Variants in ROR1 observed in about 807,000 individuals in gnomAD.
ROR1 encodes ROR family WNT receptor 1, also known as inactive tyrosine-protein kinase transmembrane receptor ROR1.
A neutral mutation model predicts 78.8 loss-of-function variants in ROR1; 19 were observed. The ratio of observed to expected loss-of-function variants is 0.24; its 90% CI spans 0.17 to 0.35. The LOEUF (loss-of-function observed/expected upper bound fraction) is 0.35, where lower values mean the gene tolerates loss of function less well. Among genes scored for constraint, ROR1 ranks in the 10% least tolerant of loss-of-function variants. The pLI is 1.00. For missense variants in ROR1, 917 were observed against 1,177.8 expected (o/e 0.78, Z 3.24); for synonymous variants, 386 against 433.6 (o/e 0.89, Z 1.36).
intron 1 of ROR1, among the ~76,000 whole-genome samples, chr1:63,921,291 C>T (rs528823150): frequency 4.5e-4 from 68 of 152,192 alleles, no homozygotes; most frequent in East Asian, 7.7e-4. Context: ...ATGCAGATTC[C>T]GATTTGAAAG....
Position 63,774,895 on chromosome 1 carries a change from T to C in ROR1, c.91+387T>C, listed in dbSNP as rs905499638. Among the ~76,000 whole-genome samples, 51 of 152,208 alleles carry C rather than the reference T, an allele frequency of 3.4e-4. No individual in the cohort carries two copies. Among genetic ancestry groups the C allele is most frequent in the African/African-American group, 1.1e-3 (45 of 41,544 alleles). ...AGCCGGTGTTCAGGCAAGTCTATCCTGCCCCCAAGTTGCGAGCCGGCCCGG... is the reference window on the plus strand; with the variant it reads ...AGCCGGTGTTCAGGCAAGTCTATCCCGCCCCCAAGTTGCGAGCCGGCCCGG... On this transcript the variant is annotated intron_variant, in intron 1 of 8. Coordinates refer to ENST00000371079, the MANE Select transcript of ROR1 (RefSeq NM_005012.4). This position sits in a 1 kb window ranked among gnomAD's most constrained non-coding sequence, Gnocchi z 5.7.
At chr1:63,937,371 G>A (rs910229643) in intron 1 of ROR1, among the ~76,000 whole-genome samples, 1 of 152,134 alleles carries the variant, frequency 6.6e-6, no homozygotes, top group African/African-American at 2.4e-5. Flanking sequence ...TTCCACTCTA[G>A]GAATGCCCTT....
chr1:64,034,237 A>C (rs1307377356), intron 2 of ROR1, among the ~76,000 whole-genome samples: 1 of 150,656 alleles, frequency 6.6e-6, no homozygotes, highest in Non-Finnish European at 1.5e-5. Context: ...CTTTCCCATC[A>C]GTCCTGGGGG....
intron 1 of ROR1, among the ~76,000 whole-genome samples, chr1:63,775,786 T>C (rs1423017230): frequency 6.6e-6 from 1 of 152,214 alleles, no homozygotes. Flanking sequence ...TAGAGTAGCA[T>C]TTTCTGAGGA....
At chr1:64,020,036 A>T (rs1646552198) in intron 2 of ROR1, among the ~76,000 whole-genome samples, 1 of 152,176 alleles carries the variant, frequency 6.6e-6, no homozygotes, top group Admixed American at 6.5e-5. Context: ...TGATGCAGCC[A>T]CAAGCTCAAG....
chr1:64,051,049 C>T (rs1333803820), intron 4 of ROR1, among the ~76,000 whole-genome samples: 1 of 152,124 alleles, frequency 6.6e-6, no homozygotes, highest in Non-Finnish European at 1.5e-5. Flanking sequence ...GCATAGGAAC[C>T]TTTACTCTCA....
chr1:64,160,887 G>T (rs978683064), intron 8 of ROR1, among the ~76,000 whole-genome samples: 32 of 152,124 alleles, frequency 2.1e-4, no homozygotes, highest in Non-Finnish European at 4.3e-4. Context: ...GTTTGGTGCA[G>T]TAGCCACCAT....
At chr1:63,845,221 A>C (rs1419994158) in intron 1 of ROR1, among the ~76,000 whole-genome samples, 1 of 152,194 alleles carries the variant, frequency 6.6e-6, no homozygotes, top group East Asian at 1.9e-4. Flanking sequence ...CTTTCAAATA[A>C]TTAGAGCACA....
chr1:64,092,825 C>G (rs1053299107), intron 4 of ROR1, among the ~76,000 whole-genome samples: 6 of 152,164 alleles, frequency 3.9e-5, no homozygotes, highest in African/African-American at 1.4e-4. Context: ...CATTTCTTAT[C>G]AAGAGAATAA....
intron 1 of ROR1, among the ~76,000 whole-genome samples, chr1:63,924,160 A>G (rs1323430815): frequency 6.6e-6 from 1 of 151,966 alleles, no homozygotes; most frequent in African/African-American, 2.4e-5. Flanking sequence ...AACTCACCAC[A>G]TTCTCTCCCC....
At chr1:63,979,817 A>C (rs931473524) in intron 1 of ROR1, among the ~76,000 whole-genome samples, 5 of 152,238 alleles carry the variant, frequency 3.3e-5, no homozygotes, top group Non-Finnish European at 1.5e-5. Context: ...CACATGGATG[A>C]ATCTGAAAAC....
chr1:63,905,133 G>A (rs1309180211), intron 1 of ROR1, among the ~76,000 whole-genome samples: 1 of 152,062 alleles, frequency 6.6e-6, no homozygotes, highest in Non-Finnish European at 1.5e-5. Context: ...AGAACATGGA[G>A]GGCAGATTGG....
intron 1 of ROR1, among the ~76,000 whole-genome samples, chr1:64,001,610 C>T (rs780911079): frequency 3.3e-5 from 5 of 152,146 alleles, no homozygotes; most frequent in Admixed American, 1.3e-4. Flanking sequence ...CTTATGGAGA[C>T]GTTTCCCTCA....
At chr1:63,775,901 A>C (rs1455700031) in intron 1 of ROR1, among the ~76,000 whole-genome samples, 2 of 152,244 alleles carry the variant, frequency 1.3e-5, no homozygotes, top group African/African-American at 4.8e-5. Context: ...CAGGGAGTGC[A>C]CCTTCCTGAT....
At chr1:64,061,474 A>G (rs6704308) in intron 4 of ROR1, among the ~76,000 whole-genome samples, 6,613 of 152,276 alleles carry the variant, frequency 0.043, 456 homozygotes, top group African/African-American at 0.15. Flanking sequence ...CAGAGAAATC[A>G]AAGTGTAGTT....
chr1:63,938,546 T>C (rs1286018697), intron 1 of ROR1, among the ~76,000 whole-genome samples: 1 of 152,150 alleles, frequency 6.6e-6, no homozygotes, highest in Admixed American at 6.5e-5. Context: ...CCCCACTGTA[T>C]TCCCAGTGCC....
intron 4 of ROR1, among the ~76,000 whole-genome samples, chr1:64,102,855 C>A (rs1429307017): frequency 6.6e-6 from 1 of 152,158 alleles, no homozygotes. Flanking sequence ...TTAGCAGCAT[C>A]CCTGGCCTCC....
chr1:64,017,454 G>A (rs1646530228), intron 2 of ROR1, among the ~76,000 whole-genome samples: 1 of 152,084 alleles, frequency 6.6e-6, no homozygotes, highest in African/African-American at 2.4e-5. Flanking sequence ...TGAGGGATAT[G>A]GAATTCTATC....
chr1:64,013,373 T>C (rs1410275436), intron 2 of ROR1, among the ~76,000 whole-genome samples: 1 of 152,194 alleles, frequency 6.6e-6, no homozygotes, highest in Non-Finnish European at 1.5e-5. Flanking sequence ...AGATTCTCCA[T>C]GGTCTTACCC....
Sources: gnomAD v4.1 joint callset for allele counts (sites outside exome capture counted in the v4.1 genomes callset) on GRCh38, gnomAD v4.1.1 for gene constraint, Gnocchi (gnomAD v3.1) non-coding constraint, MANE v1.5 for transcripts, NCBI Gene and HGNC (gene_info 2026-07-23, HGNC 2026-07-21) for gene names.